The following SLC35D2 variants were observed in gnomAD, a reference collection of about 807,000 sequenced individuals.
SLC35D2 encodes the protein solute carrier family 35 member D2.
A neutral mutation model predicts 41.8 loss-of-function variants in SLC35D2; 43 were observed. The observed-to-expected ratio is 1.03, with a 90% CI of 0.81 to 1.33. The LOEUF is 1.33. SLC35D2 is among the 40% of genes most tolerant of loss of function. The pLI, the probability that SLC35D2 is intolerant of heterozygous loss-of-function variation, is 0.00. For synonymous variants in SLC35D2, 150 were observed against 163.9 expected, an observed-to-expected ratio of 0.92 and a Z score of 0.65; for missense variants, 380 against 408.4, an observed-to-expected ratio of 0.93 and a Z score of 0.60.
chr9:96,344,566 T>TAAA (rs567587419), intron 7 of SLC35D2, among the ~76,000 whole-genome samples: 2 of 57,292 alleles, frequency 3.5e-5, no homozygotes, highest in Non-Finnish European at 6.3e-5. Context: ...ACAGAGCAGA[T>TAAA]AAAAAAAAAA....
At chr9:96,341,843 A>G (rs1389686239) in intron 8 of SLC35D2, among the ~76,000 whole-genome samples, 1 of 152,112 alleles carries the variant, frequency 6.6e-6, no homozygotes, top group Non-Finnish European at 1.5e-5. Flanking sequence ...TCTGGTCACT[A>G]TGCCTTTCAT....
intron 1 of SLC35D2, among the ~76,000 whole-genome samples, chr9:96,370,075 G>C (rs533499745): frequency 6.6e-6 from 1 of 152,264 alleles, no homozygotes; most frequent in South Asian, 2.1e-4. Flanking sequence ...CCGGATAATA[G>C]CATGTCCACT....
At chr9:96,324,269 G>T in intron 9 of SLC35D2, 100 bp from the exon 10 acceptor site, 3 of 818,972 alleles carry the variant, frequency 3.7e-6, no homozygotes, top group Non-Finnish European at 5.8e-6. Context: ...CACTTTAAGC[G>T]AAGAAAAAAG....
chr9:96,321,765 A>G (rs1828240249), intron 11 of SLC35D2, among the ~76,000 whole-genome samples: 2 of 152,204 alleles, frequency 1.3e-5, no homozygotes, highest in Non-Finnish European at 2.9e-5. Context: ...TGAGGAAGAC[A>G]GGTGAGTTAA....
At chr9:96,376,419 A>G (rs970560225) in intron 1 of SLC35D2, among the ~76,000 whole-genome samples, 1 of 151,854 alleles carries the variant, frequency 6.6e-6, no homozygotes, top group Non-Finnish European at 1.5e-5. Context: ...AGCCTGGCCA[A>G]TATGGTGAAA....
At chr9:96,336,522 T>C (rs540939183) in intron 9 of SLC35D2, among the ~76,000 whole-genome samples, 195 bp downstream of exon 9, 42 of 152,360 alleles carry the variant, frequency 2.8e-4, no homozygotes, top group Admixed American at 5.2e-4. Context: ...AAGAGTTGTA[T>C]GCTTGTTCCT....
At chr9:96,324,318 G>C (rs1828404891) in intron 9 of SLC35D2, 149 bp from the exon 10 acceptor site, 2 of 577,176 alleles carry the variant, frequency 3.5e-6, no homozygotes, top group Non-Finnish European at 6.1e-6. Context: ...CACATCTTAA[G>C]ATATGTTGCT....
At chr9:96,381,892 C>T (rs1404374868) in intron 1 of SLC35D2, among the ~76,000 whole-genome samples, 1 of 152,170 alleles carries the variant, frequency 6.6e-6, no homozygotes, top group Non-Finnish European at 1.5e-5. Context: ...ATGCCCACTT[C>T]AGCACATTGT....
chr9:96,351,790 AGT>A (rs768212019), intron 5 of SLC35D2, among the ~76,000 whole-genome samples: 27 of 152,032 alleles, frequency 1.8e-4, no homozygotes, highest in Non-Finnish European at 3.2e-4. Context: ...TCCTTTTTGG[AGT>A]GTTTCTTTTA....
intron 4 of SLC35D2, among the ~76,000 whole-genome samples, chr9:96,356,382 CTTTTTTT>C (rs199569097): frequency 2.0e-5 from 2 of 101,434 alleles, no homozygotes; most frequent in East Asian, 3.0e-4. Flanking sequence ...TTTATTTATT[CTTTTTTT>C]TTTTTTTTTT....
In SLC35D2 at chr9:96,321,941, C is replaced by G. The variant is rs529819041; in HGVS notation, c.914+57G>C. ...GCTCTTTTGCTTATTACATATTAAT[C>G]AGAGTGTTTAAGGTTCTTGTCTTCC... On this transcript the variant is annotated intron_variant, in intron 11 of 11. Transcript: ENST00000253270. 7 of 982,034 alleles carry G rather than the reference C, an allele frequency of 7.1e-6. No individual in the cohort carries two copies. The African/African-American group carries it at 8.1e-5, about 11-fold the overall frequency. The allele number at this position is 982,034 out of a possible 1,614,324, so 60.8% of individuals were successfully genotyped here.
chr9:96,320,209 A>T (rs1425413987), downstream of SLC35D2, among the ~76,000 whole-genome samples: 1 of 152,204 alleles, frequency 6.6e-6, no homozygotes, highest in Non-Finnish European at 1.5e-5. Flanking sequence ...CAAACAGGTG[A>T]GCGCTTAAAT....
intron 1 of SLC35D2, among the ~76,000 whole-genome samples, chr9:96,380,112 G>C (rs913516667): frequency 2.6e-5 from 4 of 152,122 alleles, no homozygotes; most frequent in Non-Finnish European, 4.4e-5. Context: ...GGTCAGGCTG[G>C]TCTCAAACTC....
chr9:96,340,131 T>C (rs767991026), intron 8 of SLC35D2, among the ~76,000 whole-genome samples: 87 of 152,224 alleles, frequency 5.7e-4, no homozygotes, highest in Non-Finnish European at 1.2e-3. Flanking sequence ...CTAAAATGAA[T>C]TCCACCACAT....
At chr9:96,334,342 A>G (rs16910774) in intron 9 of SLC35D2, among the ~76,000 whole-genome samples, 20,147 of 152,262 alleles carry the variant, frequency 0.13, 1,798 homozygotes, top group East Asian at 0.29. Flanking sequence ...GACTGATCAA[A>G]GTTAAGCAAA....
At chr9:96,347,632 G>C (rs1226335972) in intron 6 of SLC35D2, among the ~76,000 whole-genome samples, 4 of 152,066 alleles carry the variant, frequency 2.6e-5, no homozygotes, top group Non-Finnish European at 5.9e-5. Flanking sequence ...CGTCACCTGG[G>C]CCTCCCAAAG....
At chr9:96,369,846 C>T (rs1830610374) in intron 1 of SLC35D2, among the ~76,000 whole-genome samples, 2 of 152,264 alleles carry the variant, frequency 1.3e-5, no homozygotes, top group Admixed American at 1.3e-4. Context: ...CAAAACTCAG[C>T]CCTCAATCTG....
intron 4 of SLC35D2, 135 bp from the exon 5 acceptor site, chr9:96,352,244 TTAAA>T: frequency 2.0e-6 from 1 of 502,662 alleles, no homozygotes; most frequent in Non-Finnish European, 3.6e-6. Context: ...ACAAATCACA[TTAAA>T]TAATAAAAAT....
intron 10 of SLC35D2, among the ~76,000 whole-genome samples, chr9:96,322,720 T>TTTG (rs1828303417): frequency 7.1e-6 from 1 of 140,806 alleles, no homozygotes. Flanking sequence ...TTCTGGGGTT[T>TTTG]TTTTTTTTTT....
Sources: gnomAD v4.1 joint callset for allele counts (sites outside exome capture counted in the v4.1 genomes callset) on GRCh38, gnomAD v4.1.1 for gene constraint, MANE v1.5 for transcripts, NCBI Gene and HGNC (gene_info 2026-07-23, HGNC 2026-07-21) for gene names.